ACOT2: variants seen among roughly 807,000 people sequenced by gnomAD.
ACOT2 encodes the protein acyl-coenzyme A thioesterase 2, mitochondrial.
Under a neutral mutation model 20.1 loss-of-function variants are expected in ACOT2, and 15 were observed. The ratio of observed to expected loss-of-function variants is 0.75; its 90% CI spans 0.50 to 1.15. ACOT2 has a LOEUF of 1.15. Ranked by LOEUF, ACOT2 falls within the 50% of genes most tolerant of loss-of-function variation. The probability of loss-of-function intolerance (pLI) is 0.00; values close to 1 mark genes in which losing one functional copy is unlikely to be tolerated. For synonymous variants in ACOT2, 252 were observed against 268.4 expected (o/e 0.94, Z 0.60); for missense variants, 479 against 615.3 (o/e 0.78, Z 2.34).
At chr14:73,568,352 G>GAA (rs34209744), upstream of ACOT2, among the ~76,000 whole-genome samples, 124 of 146,206 alleles carry the variant, frequency 8.5e-4, 1 homozygote, top group Non-Finnish European at 1.0e-3. Context: ...CTTAAGTGAT[G>GAA]AAAAAAAAAA....
chr14:73,573,563 C>T lies in ACOT2; in HGVS notation c.819C>T (p.Ala273=), dbSNP rs745711191. 1.9e-5 allele frequency: 30 copies of T among 1,613,570 alleles called. 1 individual carries two copies. Among genetic ancestry groups the T allele is most frequent in the East Asian group, 1.3e-4 (6 of 44,894 alleles). Residue 273 remains alanine (A), a synonymous_variant, in exon 2 of 3, where the codon GCC becomes GCT. Transcript: ENST00000238651. ...TCCATCTGGAGTACTTTGAAGAAGC[C>T]ATGAACTACTTGCTCAGTCATCCCG... ...ETLHLEYFEE[A]MNYLLSHPEV...
Position 73,575,617 on chromosome 14 carries a change from A to G in ACOT2, c.*104A>G. ...TCATTCTTTTGTTTTTAATAACTAA[A>G]GTTTTTTCCCCTCATTATTAAAATG... On this transcript the variant is annotated 3_prime_UTR_variant, in exon 3 of 3. Coordinates refer to ENST00000238651, the MANE Select transcript of ACOT2 (RefSeq NM_006821.6). The G allele has an allele frequency of 6.4e-7, 1 of 1,563,950 alleles. No homozygotes were observed. The highest frequency in any genetic ancestry group is 8.6e-7 in the Non-Finnish European group (1 of 1,160,834).
In ACOT2 at chr14:73,575,560, A is replaced by G. The variant is rs774348704; in HGVS notation, c.*47A>G. ...TCTCTGTTGCTAATCTCTCCTGGAA[A>G]CATCTGCCACATTTAGTGTGTGTAT... On this transcript the variant is annotated 3_prime_UTR_variant, in exon 3 of 3. Coordinates refer to ENST00000238651, the MANE Select transcript of ACOT2 (RefSeq NM_006821.6). The G allele has an allele frequency of 6.5e-7, 1 of 1,539,012 alleles. No individual in the cohort carries two copies. The highest frequency in any genetic ancestry group is 2.3e-5 in the East Asian group (1 of 44,004).
intron 2 of ACOT2, chr14:73,574,471 C>T: frequency 3.3e-6 from 1 of 306,188 alleles, no homozygotes; most frequent in East Asian, 8.8e-5. Flanking sequence ...CCATGTTGGC[C>T]AGACTGATCT....
chr14:73,571,478 C>CA (rs1261769965), intron 1 of ACOT2: 37 of 152,312 alleles, frequency 2.4e-4, no homozygotes, highest in African/African-American at 8.7e-4. Context: ...GGTTGGGCTT[C>CA]AAGACTAGGG....
Position 73,569,854 on chromosome 14 carries a change from G to A in ACOT2, c.614G>A (p.Arg205Gln), listed in dbSNP as rs1030112009. 3 of 1,604,970 alleles carry A rather than the reference G, an allele frequency of 1.9e-6. No individual in the cohort carries two copies. Among genetic ancestry groups the A allele is most frequent in the Non-Finnish European group, 1.7e-6 (2 of 1,176,234 alleles). The change falls in exon 1 of 3, where the codon CGG becomes CAG. Residue 205 changes from arginine to glutamine, a missense_variant. By Grantham distance (43) the Arg-to-Gln change is conservative (BLOSUM62 1). Transcript: ENST00000238651. ...CGGCGCGAGCCGGTGCGCGTGGGCC[G>A]GGTGCGAGGCACGCTCTTCCTGCCG... ...GVRREPVRVGRVRGTLFLPPE... is the reference protein window; with the variant it reads ...GVRREPVRVGQVRGTLFLPPE...
At chr14:73,573,100 C>G (rs899555871) in intron 1 of ACOT2, among the ~76,000 whole-genome samples, 1 of 151,576 alleles carries the variant, frequency 6.6e-6, no homozygotes, top group Non-Finnish European at 1.5e-5. Context: ...GGAATTTGTG[C>G]TCTTCTATGT....
intron 1 of ACOT2, among the ~76,000 whole-genome samples, chr14:73,570,294 G>A (rs2140331052): frequency 6.6e-6 from 1 of 151,926 alleles, no homozygotes; most frequent in East Asian, 1.9e-4. Flanking sequence ...TAAGGGCCAG[G>A]CGCAGTGGCT....
At chr14:73,573,770 A>T (rs895123002) in intron 2 of ACOT2, among the ~76,000 whole-genome samples, 180 bp downstream of exon 2, 6 of 151,720 alleles carry the variant, frequency 4.0e-5, no homozygotes, top group African/African-American at 1.2e-4. Context: ...CTCTGTTGCC[A>T]GGCTGGAGTC....
rs1889667863 is a variant in ACOT2, at chr14:73,569,537, C to T, written c.297C>T (p.Ser99=). Residue 99 remains serine (S), a synonymous_variant, in exon 1 of 3, where the codon TCC becomes TCT. Coordinates refer to ENST00000238651, the MANE Select transcript of ACOT2 (RefSeq NM_006821.6). The part of the protein sequence containing the change: ...APEQPVTLRA[S]LRDEKGALFQ... ...AGCAGCCGGTCACGCTGCGCGCGTC[C>T]CTGCGCGACGAGAAGGGCGCGCTTT... The T allele has an allele frequency of 1.2e-6, 2 of 1,606,112 alleles. No individual in the cohort carries two copies. The highest frequency in any genetic ancestry group is 2.2e-5 in the East Asian group (1 of 44,714).
At chr14:73,568,196 A>G (rs566311373), upstream of ACOT2, 1 of 152,208 alleles carries the variant, frequency 6.6e-6, no homozygotes, top group South Asian at 2.1e-4. Context: ...GAACGAGATA[A>G]AAAGGCTTAC....
At position 73,569,217 on chromosome 14, in the gene ACOT2, A is replaced by G. The variant is rs771252614; in HGVS notation, c.-24A>G. ...GACAGCTCTGCCCTAGTGGGCGCTTAGCCTGCGACGGCAGCCCGAGAGGAT... is the reference window on the plus strand; with the variant it reads ...GACAGCTCTGCCCTAGTGGGCGCTTGGCCTGCGACGGCAGCCCGAGAGGAT... On this transcript the variant is annotated 5_prime_UTR_variant, in exon 1 of 3. Transcript: ENST00000238651. 1.2e-6 allele frequency: 2 copies of G among 1,611,466 alleles called. No homozygotes were observed. The highest frequency in any genetic ancestry group is 3.3e-5 in the Admixed American group (2 of 59,912).
chr14:73,570,456 C>T (rs1403713965), intron 1 of ACOT2, among the ~76,000 whole-genome samples: 3 of 151,874 alleles, frequency 2.0e-5, no homozygotes, highest in Admixed American at 6.6e-5. Flanking sequence ...GTAGTCCCAG[C>T]TACTCGGGAG....
At position 73,569,506 on chromosome 14, in the gene ACOT2, C is replaced by G; in HGVS notation, c.266C>G (p.Ala89Gly). Residue 89 changes from alanine (A) to glycine (G), a missense_variant, in exon 1 of 3, where the codon GCC becomes GGC. Coordinates refer to ENST00000238651, the MANE Select transcript of ACOT2 (RefSeq NM_006821.6). ...GTGCGAATCGCCGTGCGCGGCCTAGCCCCGGAGCAGCCGGTCACGCTGCGC... is the reference window on the plus strand; with the variant it reads ...GTGCGAATCGCCGTGCGCGGCCTAGGCCCGGAGCAGCCGGTCACGCTGCGC... ...EPVRIAVRGLAPEQPVTLRAS... is the reference protein window; with the variant it reads ...EPVRIAVRGLGPEQPVTLRAS... The G allele has an allele frequency of 6.2e-7, 1 of 1,610,100 alleles. No homozygotes were observed. Among genetic ancestry groups the G allele is most frequent in the Non-Finnish European group, 8.5e-7 (1 of 1,178,676 alleles).
rs1445174510 is a variant in ACOT2, at chr14:73,569,431, C to T, written c.191C>T (p.Ala64Val). 1 of 1,613,882 alleles carries T rather than the reference C, an allele frequency of 6.2e-7. No individual in the cohort carries two copies. The highest frequency in any genetic ancestry group is 8.5e-7 in the Non-Finnish European group (1 of 1,179,786). ...ATCATTAGGGTTCCTGCTCGGATGG[C>T]GGCGACGCTGATCCTGGAGCCTGCG... ...GQIIRVPARM[A>V]ATLILEPAGR... The change falls in exon 1 of 3, where the codon GCG becomes GTG. Residue 64 changes from alanine (A) to valine (V), a missense_variant. Coordinates refer to ENST00000238651, the MANE Select transcript of ACOT2 (RefSeq NM_006821.6).
rs377309270 is a variant in ACOT2, at chr14:73,569,899, T to C, written c.643+16T>C. ...CTGCCGCCAGGTGACTCACCTCCGC[T>C]AATTGTTCCGTGTTCGTTCGCCTTT... On this transcript the variant is annotated intron_variant, in intron 1 of 2. Coordinates refer to ENST00000238651, the MANE Select transcript of ACOT2 (RefSeq NM_006821.6). 105 of 1,599,268 alleles carry C rather than the reference T, an allele frequency of 6.6e-5. 2 individuals carry two copies. In the Middle Eastern group the frequency reaches 8.4e-4, roughly 13 times the overall value.
chr14:73,569,822 C>A lies in ACOT2; in HGVS notation c.582C>A (p.Pro194=). 1 of 1,596,484 alleles carries A rather than the reference C, an allele frequency of 6.3e-7. No homozygotes were observed. The highest frequency in any genetic ancestry group is 8.5e-7 in the Non-Finnish European group (1 of 1,173,398). ...GGCACGAGCGCTACTTCCTCCCGCC[C>A]GGGGTGCGGCGCGAGCCGGTGCGCG... ...QTRHERYFLP[P]GVRREPVRVG... The change falls in exon 1 of 3, where the codon CCC becomes CCA. Residue 194 remains proline, a synonymous_variant. Coordinates refer to ENST00000238651, the MANE Select transcript of ACOT2 (RefSeq NM_006821.6).
intron 2 of ACOT2, 71 bp from the exon 3 acceptor site, chr14:73,574,837 G>A (rs1481035855): frequency 1.3e-5 from 21 of 1,608,106 alleles, no homozygotes; most frequent in East Asian, 2.2e-5. Flanking sequence ...AACTTCCAGG[G>A]TGGACACAAC....
chr14:73,572,455 G>C (rs1359815513), intron 1 of ACOT2, among the ~76,000 whole-genome samples: 15 of 151,760 alleles, frequency 9.9e-5, no homozygotes, highest in Non-Finnish European at 1.5e-4. Context: ...TCAAAAACTA[G>C]GCAAAATAAA....
Sources: allele counts gnomAD v4.1 joint callset (sites outside exome capture counted in the v4.1 genomes callset), GRCh38; gene constraint gnomAD v4.1.1; transcripts MANE v1.5; gene names NCBI Gene and HGNC (gene_info 2026-07-23, HGNC 2026-07-21).